Variants in UNC5C observed in about 807,000 individuals in gnomAD.
The protein encoded by UNC5C is netrin receptor UNC5C.
A neutral mutation model predicts 99.8 loss-of-function variants in UNC5C; 47 were observed. The ratio of observed to expected loss-of-function variants is 0.47; its 90% CI spans 0.37 to 0.60. The LOEUF is 0.60. Ranked by LOEUF, UNC5C falls within the 20% of genes least tolerant of loss-of-function variation. The probability of loss-of-function intolerance (pLI) is 0.00; values close to 1 mark genes in which losing one functional copy is unlikely to be tolerated. For missense variants in UNC5C, 1,062 were observed against 1,165.9 expected (o/e 0.91, Z 1.30); for synonymous variants, 487 against 452.2 (o/e 1.08, Z -0.98).
chr4:95,480,450 T>G (rs1342908854), intron 1 of UNC5C, among the ~76,000 whole-genome samples: 1 of 151,956 alleles, frequency 6.6e-6, no homozygotes, highest in Non-Finnish European at 1.5e-5. Context: ...ACCATTTTCA[T>G]GTATACATAA....
intron 4 of UNC5C, among the ~76,000 whole-genome samples, chr4:95,260,040 G>T (rs1740162042): frequency 6.6e-6 from 1 of 152,044 alleles, no homozygotes; most frequent in African/African-American, 2.4e-5. Context: ...AGCCACCTCT[G>T]CTTTCCCTAC....
chr4:95,245,188 A>G (rs1240290995), intron 5 of UNC5C, 44 bp from the exon 6 acceptor site: 3 of 1,573,558 alleles, frequency 1.9e-6, no homozygotes, highest in Non-Finnish European at 2.6e-6. Context: ...ACATGTGTGC[A>G]TGCACAACAC....
Position 95,166,971 on chromosome 4 carries a change from G to A in UNC5C, c.*2263C>T, listed in dbSNP as rs534431766. ...AATCCTAATGCAGGGGGTGGGCTGA[G>A]AGAGATTTTATAGAATATATGTATG... On this transcript the variant is annotated 3_prime_UTR_variant, in exon 16 of 16. Coordinates refer to ENST00000453304, the MANE Select transcript of UNC5C (RefSeq NM_003728.4). The A allele has an allele frequency of 5.2e-5, 7 of 134,066 alleles. No homozygotes were observed. The highest frequency in any genetic ancestry group is 2.0e-4 in the African/African-American group (7 of 35,750). 8.3% of individuals were successfully genotyped at this position (134,066 alleles called of 1,614,324 possible).
chr4:95,412,873 A>C (rs2149452621), intron 1 of UNC5C, among the ~76,000 whole-genome samples: 1 of 152,322 alleles, frequency 6.6e-6, no homozygotes, highest in Admixed American at 6.5e-5. Flanking sequence ...TGAGGCTGGC[A>C]TGGACAGGAA....
At chr4:95,466,700 C>T (rs988290196) in intron 1 of UNC5C, among the ~76,000 whole-genome samples, 7 of 151,984 alleles carry the variant, frequency 4.6e-5, no homozygotes, top group African/African-American at 1.7e-4. Flanking sequence ...AATCCCAGGC[C>T]TCAAAGGAGA....
intron 1 of UNC5C, among the ~76,000 whole-genome samples, chr4:95,364,156 G>A (rs1744482576): frequency 6.6e-6 from 1 of 152,066 alleles, no homozygotes; most frequent in Non-Finnish European, 1.5e-5. Context: ...AAATACCAAA[G>A]GTCTGAAGGC....
chr4:95,170,320 T>C lies in UNC5C; in HGVS notation c.2464A>G (p.Ile822Val), dbSNP rs1736043547. The change falls in exon 15 of 16, where the codon ATC (isoleucine) becomes GTC (valine). Residue 822 changes from isoleucine to valine, a missense_variant. By Grantham distance (29) the Ile-to-Val change is conservative. This residue lies in a region of UNC5C where 810 missense variants were observed against 854.5 expected (regional missense o/e 0.95). Transcript: ENST00000453304. ...GCAGGATCCAGCAGCGGCAAATCGA[T>C]GCCAGTAGGTTCCTGTAGTTCAGGG... ...NCTVSEEPTGIDLPLLDPANT... is the reference protein window; with the variant it reads ...NCTVSEEPTGVDLPLLDPANT... 3 of 1,614,020 alleles carry C rather than the reference T, an allele frequency of 1.9e-6. No homozygotes were observed. The highest frequency in any genetic ancestry group is 1.1e-5 in the South Asian group (1 of 91,086).
intron 12 of UNC5C, among the ~76,000 whole-genome samples, chr4:95,191,987 CCTG>C (rs940679416): frequency 1.5e-5 from 2 of 132,138 alleles, no homozygotes; most frequent in East Asian, 2.6e-4. Context: ...TCCCCTCCCC[CCTG>C]CTAATCCTCC....
At chr4:95,291,436 C>G (rs1201315447) in intron 3 of UNC5C, among the ~76,000 whole-genome samples, 1 of 152,174 alleles carries the variant, frequency 6.6e-6, no homozygotes, top group Non-Finnish European at 1.5e-5. Context: ...CAGCATAAAA[C>G]ATACTTTAAT....
intron 1 of UNC5C, among the ~76,000 whole-genome samples, chr4:95,484,940 C>T (rs1721280844): frequency 6.6e-6 from 1 of 151,790 alleles, no homozygotes; most frequent in South Asian, 2.1e-4. Context: ...GTAAACACTT[C>T]ATAAATTTGT....
At chr4:95,352,687 C>G (rs1293544241) in intron 1 of UNC5C, among the ~76,000 whole-genome samples, 1 of 152,148 alleles carries the variant, frequency 6.6e-6, no homozygotes, top group African/African-American at 2.4e-5. Context: ...CTTGGAATTC[C>G]TTCTCCCTGT....
rs77227323 is a variant in UNC5C at position 95,527,707 on chromosome 4, T to C, written c.124+21027A>G. 6.8e-3 allele frequency among the ~76,000 whole-genome samples: 1,032 copies of C among 152,256 alleles called. 16 individuals carry two copies. Among genetic ancestry groups the C allele is most frequent in the African/African-American group, 0.024 (981 of 41,574 alleles). On this transcript the variant is annotated intron_variant, in intron 1 of 15. Transcript: ENST00000453304. Reference sequence around the variant, plus strand: ...GCCAAATGAAAAGAATGCAATTTCATAGGAATTATGCAAACTTTATTTGAG... The same window carrying C: ...GCCAAATGAAAAGAATGCAATTTCACAGGAATTATGCAAACTTTATTTGAG...
intron 1 of UNC5C, among the ~76,000 whole-genome samples, chr4:95,339,680 T>A (rs1377790331): frequency 1.3e-5 from 2 of 152,102 alleles, no homozygotes; most frequent in African/African-American, 4.8e-5. Context: ...TCTGGCAACA[T>A]GCCACAGGTA....
rs1337764330 is a variant in UNC5C at position 95,164,250 on chromosome 4, G to T, written c.*4984C>A. On this transcript the variant is annotated 3_prime_UTR_variant, in exon 16 of 16. Coordinates refer to ENST00000453304, the MANE Select transcript of UNC5C (RefSeq NM_003728.4). ...TTTTTCACACTAGAATTCTGGAAAT[G>T]ACTTCATTTGGCTTTCCTGGCCTGT... 1 of 152,184 alleles carries T rather than the reference G, an allele frequency of 6.6e-6. No homozygotes were observed. The highest frequency in any genetic ancestry group is 1.9e-4 in the East Asian group (1 of 5,190). 9.4% of individuals were successfully genotyped at this position (152,184 alleles called of 1,614,324 possible). A position where few individuals can be genotyped will look rare whatever the true frequency, so the allele number is the denominator to read the frequency against.
At chr4:95,349,684 G>C (rs1260788737) in intron 1 of UNC5C, among the ~76,000 whole-genome samples, 1 of 151,746 alleles carries the variant, frequency 6.6e-6, no homozygotes, top group Admixed American at 6.6e-5. Flanking sequence ...CCAAATCAGT[G>C]ATACTGACTC....
In UNC5C at chr4:95,216,730, T is replaced by C. The variant is rs140163553; in HGVS notation, c.1646-519A>G. 3.9e-5 allele frequency among the ~76,000 whole-genome samples: 6 copies of C among 152,366 alleles called. No homozygotes were observed. The East Asian group carries it at 1.2e-3, about 29-fold the overall frequency. On this transcript the variant is annotated intron_variant, in intron 9 of 15. Transcript: ENST00000453304. ...AAGTGAACACTAACTCCTAGTTTAG[T>C]CACAGCAGGTCAAAGCGTTTCTAGT... is the stretch of plus-strand genomic sequence containing the variant.
At position 95,533,919 on chromosome 4, in the gene UNC5C, C is replaced by G. The variant is rs532958401; in HGVS notation, c.124+14815G>C. On this transcript the variant is annotated intron_variant, in intron 1 of 15. Transcript: ENST00000453304. ...TAAAAATTCCTACAAATTCAATGTT[C>G]TAGGTAGCATAAAACCCCACATAAG... Among the ~76,000 whole-genome samples the G allele has an allele frequency of 7.9e-5, 12 of 152,188 alleles. No individual in the cohort carries two copies. In the East Asian group the frequency reaches 2.3e-3, roughly 29 times the overall value.
Position 95,525,596 on chromosome 4 carries a change from TA to T in UNC5C, c.124+23137del, listed in dbSNP as rs574532435. Among the ~76,000 whole-genome samples the T allele has an allele frequency of 5.4e-3, 556 of 102,156 alleles. 9 individuals are homozygous for T. Among genetic ancestry groups the T allele is most frequent in the Middle Eastern group, 0.021 (3 of 142 alleles). The allele number at this position is 102,156 out of a possible 152,430, so 67.0% of individuals were successfully genotyped here. A position where few individuals can be genotyped will look rare whatever the true frequency, so the allele number is the denominator to read the frequency against. ...ATAGCAGTGTGCAAAGCCTATTTCT[TA>T]AAAAAAAAAAAAAAAAAAAAAGACA... On this transcript the variant is annotated intron_variant, in intron 1 of 15. Coordinates refer to ENST00000453304, the MANE Select transcript of UNC5C (RefSeq NM_003728.4).
At position 95,315,151 on chromosome 4, in the gene UNC5C, CA is replaced by C. The variant is rs1742426172; in HGVS notation, c.347-13403del. On this transcript the variant is annotated intron_variant, in intron 2 of 15. Transcript: ENST00000453304. ...TAAGTATTTTTTTCATTCATTTATT[CA>C]ATAGGTATTTACTGAAAACCTACTG... 6.6e-5 allele frequency among the ~76,000 whole-genome samples: 10 copies of C among 152,086 alleles called. No individual in the cohort carries two copies. The South Asian group carries it at 2.1e-3, about 32-fold the overall frequency.
Sources: gnomAD v4.1 joint callset for allele counts (sites outside exome capture counted in the v4.1 genomes callset) on GRCh38, gnomAD v4.1.1 for gene constraint, gnomAD v4.1.1 regional missense constraint, MANE v1.5 for transcripts, NCBI Gene and HGNC (gene_info 2026-07-23, HGNC 2026-07-21) for gene names.